PTDSS1: variants seen among roughly 807,000 people sequenced by gnomAD.
The protein encoded by PTDSS1 is PSS-1.
Under a neutral mutation model 70.5 loss-of-function variants are expected in PTDSS1, and 45 were observed. The ratio of observed to expected loss-of-function variants is 0.64; its 90% confidence interval spans 0.50 to 0.82. The LOEUF (loss-of-function observed/expected upper bound fraction) is 0.82, where lower values mean the gene tolerates loss of function less well. Ranked by LOEUF, PTDSS1 falls within the 40% of genes least tolerant of loss-of-function variation. PTDSS1 has a pLI of 0.00. For missense variants in PTDSS1, 417 were observed against 586.1 expected, an observed-to-expected ratio of 0.71 and a Z score of 2.98; for synonymous variants, 188 against 203.8, an observed-to-expected ratio of 0.92 and a Z score of 0.66.
chr8:96,324,318 A>G (rs1045507181), intron 10 of PTDSS1, among the ~76,000 whole-genome samples: 1 of 152,042 alleles, frequency 6.6e-6, no homozygotes, highest in Non-Finnish European at 1.5e-5. Context: ...TGCTCCTCCA[A>G]ATTCTTTCAG....
At chr8:96,269,478 T>C (rs1342436627) in intron 1 of PTDSS1, among the ~76,000 whole-genome samples, 2 of 152,166 alleles carry the variant, frequency 1.3e-5, no homozygotes, top group Non-Finnish European at 2.9e-5. Flanking sequence ...ATGGAAAGCT[T>C]TAAGTCTTCA....
intron 9 of PTDSS1, among the ~76,000 whole-genome samples, chr8:96,319,731 A>G (rs1209541269): frequency 6.6e-6 from 1 of 152,148 alleles, no homozygotes; most frequent in Non-Finnish European, 1.5e-5. Flanking sequence ...ACTACAGTGA[A>G]AAAGCCTTCT....
chr8:96,301,816 T>C (rs1389236543), intron 6 of PTDSS1, among the ~76,000 whole-genome samples: 4 of 151,578 alleles, frequency 2.6e-5, no homozygotes, highest in African/African-American at 4.8e-5. Flanking sequence ...TGCCCAGCCT[T>C]TCTTCTAGTT....
chr8:96,266,354 G>A (rs929034810), intron 1 of PTDSS1, among the ~76,000 whole-genome samples: 9 of 152,220 alleles, frequency 5.9e-5, no homozygotes, highest in African/African-American at 2.2e-4. Flanking sequence ...AGACAGGCAA[G>A]GACAGGGAAA....
chr8:96,287,671 C>T (rs1810843438), intron 4 of PTDSS1, among the ~76,000 whole-genome samples: 1 of 152,056 alleles, frequency 6.6e-6, no homozygotes, highest in Non-Finnish European at 1.5e-5. Flanking sequence ...ATGCCTTGAT[C>T]CTGCTCCACT....
At chr8:96,286,291 G>T (rs745470511) in intron 3 of PTDSS1, among the ~76,000 whole-genome samples, 15 of 152,288 alleles carry the variant, frequency 9.8e-5, no homozygotes, top group East Asian at 1.9e-4. Context: ...TCTCTAAAAC[G>T]TATTGGACAG....
intron 10 of PTDSS1, among the ~76,000 whole-genome samples, chr8:96,326,983 T>C (rs1223627809): frequency 6.6e-6 from 1 of 152,164 alleles, no homozygotes; most frequent in African/African-American, 2.4e-5. Context: ...AGGTTCTAAC[T>C]GGTGCCACTG....
At chr8:96,280,536 C>G (rs1024015195) in intron 2 of PTDSS1, among the ~76,000 whole-genome samples, 1 of 151,864 alleles carries the variant, frequency 6.6e-6, no homozygotes, top group Admixed American at 6.6e-5. Context: ...CCAGTGCACT[C>G]CAGCCTAGGT....
intron 9 of PTDSS1, among the ~76,000 whole-genome samples, chr8:96,317,878 A>AGTGTGTGT (rs10529330): frequency 1.1e-3 from 158 of 139,966 alleles, no homozygotes; most frequent in African/African-American, 3.1e-3. Context: ...CTTTTGTTTC[A>AGTGTGTGT]GTGTGTGTGT....
chr8:96,264,069 A>G (rs534875541), intron 1 of PTDSS1, among the ~76,000 whole-genome samples: 36 of 152,320 alleles, frequency 2.4e-4, no homozygotes, highest in African/African-American at 7.9e-4. Context: ...GCAGGTGAAG[A>G]CCAGACCTTT....
intron 5 of PTDSS1, among the ~76,000 whole-genome samples, chr8:96,296,202 G>T (rs1251034458): frequency 7.5e-6 from 1 of 132,892 alleles, no homozygotes; most frequent in Non-Finnish European, 1.5e-5. Context: ...GCAGTGGCAC[G>T]ATCTCAGCTC....
At chr8:96,276,985 C>T (rs1263242700) in intron 2 of PTDSS1, among the ~76,000 whole-genome samples, 1 of 146,092 alleles carries the variant, frequency 6.8e-6, no homozygotes, top group East Asian at 2.2e-4. Flanking sequence ...CGCGCGCACA[C>T]ACACACACAC....
intron 10 of PTDSS1, 65 bp from the exon 11 acceptor site, chr8:96,330,148 C>A: frequency 6.8e-7 from 1 of 1,467,040 alleles, no homozygotes; most frequent in Non-Finnish European, 9.5e-7. Flanking sequence ...TTGATTCCCA[C>A]TGAAACCCTG....
chr8:96,331,100 C>G lies in PTDSS1; in HGVS notation c.1312+5C>G, dbSNP rs746365407. On this transcript the variant is annotated splice_donor_5th_base_variant and intron_variant, in intron 12 of 12. Coordinates refer to ENST00000517309, the MANE Select transcript of PTDSS1 (RefSeq NM_014754.3). ...ATCACAGGAAAGGGACAAAAGGTAT[C>G]TTGTTCTTGTTCGTTGTTTAAAATT... The G allele has an allele frequency of 1.2e-5, 7 of 604,538 alleles. No individual in the cohort carries two copies. Among genetic ancestry groups the G allele is most frequent in the Non-Finnish European group, 1.8e-5 (7 of 394,244 alleles). 37.4% of individuals were successfully genotyped at this position (604,538 alleles called of 1,614,324 possible).
chr8:96,298,839 A>G (rs1352332492), intron 5 of PTDSS1, among the ~76,000 whole-genome samples: 1 of 152,114 alleles, frequency 6.6e-6, no homozygotes, highest in African/African-American at 2.4e-5. Flanking sequence ...CAGGAGTTCG[A>G]GACCAGCCTG....
intron 1 of PTDSS1, among the ~76,000 whole-genome samples, chr8:96,265,578 TACAA>T (rs1036702946): frequency 3.3e-5 from 5 of 151,728 alleles, no homozygotes; most frequent in South Asian, 2.1e-4. Flanking sequence ...ACCCTATCTC[TACAA>T]ACAAACAAAA....
intron 1 of PTDSS1, among the ~76,000 whole-genome samples, chr8:96,263,277 G>T (rs974350943): frequency 1.3e-4 from 20 of 152,286 alleles, no homozygotes; most frequent in Admixed American, 1.1e-3. Context: ...TCATAAGGAG[G>T]TACACACCGT....
intron 1 of PTDSS1, among the ~76,000 whole-genome samples, chr8:96,270,148 T>C (rs1379429456): frequency 2.0e-5 from 3 of 152,202 alleles, no homozygotes; most frequent in East Asian, 3.9e-4. Context: ...GTAGGGGAAA[T>C]AGCTTGTACT....
In PTDSS1 at chr8:96,284,142, G is replaced by T; in HGVS notation, c.305G>T (p.Arg102Leu). ...ACTCGACCTCATCCAGCCTTATGGC[G>T]AATGGTTTTTGGTGAGTTTATATTA... The part of the protein sequence containing the change: ...PFTRPHPALW[R>L]MVFGLSVLYF... Residue 102 changes from arginine (R) to leucine (L), a missense_variant, in exon 3 of 13, where the codon CGA becomes CTA. This residue lies in a region of PTDSS1 where 272 missense variants were observed against 429.5 expected (regional missense o/e 0.63). Coordinates refer to ENST00000517309, the MANE Select transcript of PTDSS1 (RefSeq NM_014754.3). 6.2e-7 allele frequency: 1 copy of T among 1,609,398 alleles called. No homozygotes were observed. Among genetic ancestry groups the T allele is most frequent in the Non-Finnish European group, 8.5e-7 (1 of 1,176,340 alleles).
Sources: allele counts gnomAD v4.1 joint callset (sites outside exome capture counted in the v4.1 genomes callset), GRCh38; gene constraint gnomAD v4.1.1; regional missense constraint gnomAD v4.1.1; transcripts MANE v1.5; gene names NCBI Gene and HGNC (gene_info 2026-07-23, HGNC 2026-07-21).